The following FHIT variants were observed in gnomAD, a reference collection of about 807,000 sequenced individuals.
FHIT encodes fragile histidine triad diadenosine triphosphatase, also known as bis(5'-adenosyl)-triphosphatase.
FHIT carries 19 observed loss-of-function variants against 17.9 expected under a neutral mutation model. The observed-to-expected ratio is 1.06, with a 90% CI of 0.74 to 1.56. The LOEUF (loss-of-function observed/expected upper bound fraction) is 1.56. Ranked by LOEUF, FHIT falls within the 40% of genes most tolerant of loss-of-function variation. The pLI is 0.00. For missense variants in FHIT, 248 were observed against 189.2 expected (o/e 1.31, Z -1.82); for synonymous variants, 81 against 69.7 (o/e 1.16, Z -0.81).
intron 2 of FHIT, among the ~76,000 whole-genome samples, chr3:61,130,565 C>G (rs2036735206): frequency 6.6e-6 from 1 of 152,034 alleles, no homozygotes; most frequent in African/African-American, 2.4e-5. Flanking sequence ...TAAATGTTCC[C>G]CCAGGCCCTC....
chr3:60,912,218 T>C (rs1385544695), intron 3 of FHIT, among the ~76,000 whole-genome samples: 1 of 152,178 alleles, frequency 6.6e-6, no homozygotes, highest in Non-Finnish European at 1.5e-5. Flanking sequence ...GCAGTACATG[T>C]AATCTGAAGG....
chr3:59,980,446 T>C (rs1027972429), intron 7 of FHIT, among the ~76,000 whole-genome samples: 15 of 152,208 alleles, frequency 9.9e-5, no homozygotes, highest in African/African-American at 3.6e-4. Context: ...GCTTTAGCTA[T>C]AGGTTGTTAT....
chr3:60,471,563 G>A (rs1008034871), intron 5 of FHIT, among the ~76,000 whole-genome samples: 10 of 152,120 alleles, frequency 6.6e-5, no homozygotes, highest in South Asian at 2.1e-4. Flanking sequence ...CTTTCTCCAC[G>A]TCTCATGGAC....
At chr3:59,934,612 T>C (rs989819019) in intron 7 of FHIT, among the ~76,000 whole-genome samples, 2 of 152,034 alleles carry the variant, frequency 1.3e-5, no homozygotes, top group African/African-American at 4.8e-5. Flanking sequence ...TGAGACTGGG[T>C]GATTTATAAA....
chr3:60,805,371 G>T (rs1177964435), intron 4 of FHIT, among the ~76,000 whole-genome samples: 1 of 151,952 alleles, frequency 6.6e-6, no homozygotes, highest in Non-Finnish European at 1.5e-5. Flanking sequence ...TTTCTCCTGA[G>T]GCCTCTCTCC....
At chr3:60,867,431 A>G in intron 3 of FHIT, among the ~76,000 whole-genome samples, 1 of 152,208 alleles carries the variant, frequency 6.6e-6, no homozygotes, top group East Asian at 1.9e-4. Context: ...GGTACACACA[A>G]GTGTTAACAG....
At chr3:60,426,968 T>C (rs1702692576) in intron 5 of FHIT, among the ~76,000 whole-genome samples, 1 of 152,104 alleles carries the variant, frequency 6.6e-6, no homozygotes, top group South Asian at 2.1e-4. Flanking sequence ...GTGACTAGGT[T>C]ATGTTATACA....
At chr3:60,031,960 A>G (rs1391299877) in intron 5 of FHIT, among the ~76,000 whole-genome samples, 3 of 152,210 alleles carry the variant, frequency 2.0e-5, no homozygotes, top group Non-Finnish European at 4.4e-5. Flanking sequence ...CAGGTATTTA[A>G]AAAATATGTA....
At chr3:60,576,129 T>C (rs2107671760) in intron 4 of FHIT, among the ~76,000 whole-genome samples, 1 of 151,896 alleles carries the variant, frequency 6.6e-6, no homozygotes, top group Admixed American at 6.6e-5. Flanking sequence ...AAGTTGAACC[T>C]CAGGCAAAAC....
At chr3:60,799,684 C>T (rs1701117999) in intron 4 of FHIT, among the ~76,000 whole-genome samples, 1 of 152,102 alleles carries the variant, frequency 6.6e-6, no homozygotes, top group African/African-American at 2.4e-5. Context: ...TTCGGGGCTA[C>T]TTTTTTCATT....
At chr3:60,835,321 G>A (rs933275013) in intron 3 of FHIT, among the ~76,000 whole-genome samples, 7 of 151,932 alleles carry the variant, frequency 4.6e-5, no homozygotes, top group Non-Finnish European at 8.8e-5. Context: ...GGGAAGTATC[G>A]GTATCTTTAC....
intron 4 of FHIT, among the ~76,000 whole-genome samples, chr3:60,563,866 T>C (rs1243252242): frequency 6.6e-6 from 1 of 152,210 alleles, no homozygotes; most frequent in African/African-American, 2.4e-5. Flanking sequence ...CAGCAAGTGC[T>C]AATACAGAAG....
In FHIT at chr3:60,108,995, T is replaced by C. The variant is rs995739019; in HGVS notation, c.104-94843A>G. Among the ~76,000 whole-genome samples, 8 of 152,166 alleles carry C rather than the reference T, an allele frequency of 5.3e-5. No individual in the cohort carries two copies. The East Asian group carries it at 5.8e-4, about 11-fold the overall frequency. On this transcript the variant is annotated intron_variant, in intron 5 of 9. Coordinates refer to ENST00000492590, the MANE Select transcript of FHIT (RefSeq NM_002012.4). ...CTCTTTTCTAAGATTTGAGTTCTCATTGTTAATCTGGTAATTTTCTTTTTC... is the reference window on the plus strand; with the variant it reads ...CTCTTTTCTAAGATTTGAGTTCTCACTGTTAATCTGGTAATTTTCTTTTTC...
intron 5 of FHIT, among the ~76,000 whole-genome samples, chr3:60,154,002 T>C (rs1700577136): frequency 6.6e-6 from 1 of 152,198 alleles, no homozygotes; most frequent in African/African-American, 2.4e-5. Context: ...ATAAGTGTAA[T>C]ACTCTAAAGG....
intron 8 of FHIT, among the ~76,000 whole-genome samples, chr3:59,767,157 C>A (rs1378387446): frequency 6.6e-6 from 1 of 152,138 alleles, no homozygotes; most frequent in African/African-American, 2.4e-5. Flanking sequence ...CTCGATCCTT[C>A]AGCCAAAATG....
intron 5 of FHIT, among the ~76,000 whole-genome samples, chr3:60,349,883 T>C (rs141018065): frequency 1.8e-3 from 278 of 152,292 alleles, no homozygotes; most frequent in Middle Eastern, 6.8e-3. Context: ...GTCAACTCCA[T>C]GAGGGTAAAA....
intron 3 of FHIT, among the ~76,000 whole-genome samples, chr3:60,843,016 G>T (rs1023093881): frequency 6.6e-6 from 1 of 152,094 alleles, no homozygotes; most frequent in African/African-American, 2.4e-5. Context: ...ATATACCAAA[G>T]ATTTATTTGC....
chr3:60,946,937 T>A (rs1241051277), intron 3 of FHIT, among the ~76,000 whole-genome samples: 3 of 152,210 alleles, frequency 2.0e-5, no homozygotes, highest in Non-Finnish European at 1.5e-5. Context: ...GAGGCCAGTG[T>A]GTCTGAGGAT....
chr3:60,467,484 G>A (rs1036205491), intron 5 of FHIT, among the ~76,000 whole-genome samples: 8 of 151,644 alleles, frequency 5.3e-5, no homozygotes, highest in African/African-American at 1.9e-4. Flanking sequence ...TCTGAATACT[G>A]CTTTCACCAT....
Sources: gnomAD v4.1 joint callset for allele counts (sites outside exome capture counted in the v4.1 genomes callset) on GRCh38, gnomAD v4.1.1 for gene constraint, MANE v1.5 for transcripts, NCBI Gene and HGNC (gene_info 2026-07-23, HGNC 2026-07-21) for gene names.